DGKB: variants seen among roughly 807,000 people sequenced by gnomAD.
The protein encoded by DGKB is diacylglycerol kinase beta.
In DGKB, 67 loss-of-function variants were observed where a neutral mutation model predicts 114.3. The observed-to-expected ratio is 0.59, with a 90% CI of 0.48 to 0.72. The LOEUF (loss-of-function observed/expected upper bound fraction) is 0.72, where lower values mean the gene tolerates loss of function less well. DGKB is among the 30% of genes least tolerant of loss of function. The pLI is 0.00. For missense variants in DGKB, 907 were observed against 975.2 expected (o/e 0.93, Z 0.93); for synonymous variants, 398 against 323.1 (o/e 1.23, Z -2.49).
chr7:14,941,026 G>A lies in DGKB; in HGVS notation c.-188+33670C>T, dbSNP rs11978333. Among the ~76,000 whole-genome samples, 446 of 152,136 alleles carry A rather than the reference G, an allele frequency of 2.9e-3. 4 individuals carry two copies. Among genetic ancestry groups the A allele is most frequent in the African/African-American group, 0.01 (418 of 41,534 alleles). Reference sequence around the variant, plus strand: ...TATTATTGAATTGTCAAAGTGTACAGATCATACTTCTTGTTATGGTAAGGA... The same window carrying A: ...TATTATTGAATTGTCAAAGTGTACAAATCATACTTCTTGTTATGGTAAGGA... On this transcript the variant is annotated intron_variant, in intron 1 of 4. Transcript: ENST00000437998.
chr7:14,729,660 T>C (rs1044940778), intron 5 of DGKB, among the ~76,000 whole-genome samples: 7 of 152,198 alleles, frequency 4.6e-5, no homozygotes, highest in Admixed American at 4.6e-4. Flanking sequence ...ACTGGATGAC[T>C]CCTGCAACGG....
At chr7:14,889,113 C>T (rs890957419) in intron 1 of DGKB, among the ~76,000 whole-genome samples, 2 of 151,624 alleles carry the variant, frequency 1.3e-5, no homozygotes, top group African/African-American at 4.8e-5. Flanking sequence ...AGAATGAGGA[C>T]CATGACTCAG....
intron 21 of DGKB, among the ~76,000 whole-genome samples, chr7:14,464,183 G>T (rs575568792): frequency 6.6e-6 from 1 of 152,070 alleles, no homozygotes; most frequent in East Asian, 1.9e-4. Context: ...TAGAAAACAG[G>T]CTAAAGCATC....
At chr7:14,607,135 A>T (rs1328929957) in intron 17 of DGKB, among the ~76,000 whole-genome samples, 4 of 149,404 alleles carry the variant, frequency 2.7e-5, no homozygotes, top group Non-Finnish European at 5.9e-5. Context: ...GCAGTGTTCA[A>T]ACTGGCATTC....
chr7:14,208,080 CTTAAG>C (rs1196104419), intron 23 of DGKB, among the ~76,000 whole-genome samples: 2 of 151,908 alleles, frequency 1.3e-5, no homozygotes. Context: ...ATTGTTGCTC[CTTAAG>C]TTATTAATTG....
chr7:14,645,826 G>A (rs1212880209), intron 13 of DGKB, among the ~76,000 whole-genome samples: 1 of 152,056 alleles, frequency 6.6e-6, no homozygotes, highest in African/African-American at 2.4e-5. Context: ...GGATATACAA[G>A]AAATAAGGGA....
intron 23 of DGKB, among the ~76,000 whole-genome samples, chr7:14,267,463 T>G (rs1446757934): frequency 2.7e-5 from 4 of 146,082 alleles, no homozygotes; most frequent in Non-Finnish European, 6.1e-5. Context: ...TTGTAATAAG[T>G]GCTTATTTTT....
intron 23 of DGKB, among the ~76,000 whole-genome samples, chr7:14,333,773 A>G (rs1198637974): frequency 2.0e-5 from 3 of 152,190 alleles, no homozygotes; most frequent in African/African-American, 7.2e-5. Flanking sequence ...GTTAAAAAAT[A>G]CCTTTCAAAA....
Position 14,784,273 on chromosome 7 carries a change from C to T in DGKB, c.71-26542G>A, listed in dbSNP as rs988855697. Among the ~76,000 whole-genome samples the T allele has an allele frequency of 4.0e-5, 6 of 151,396 alleles. No homozygotes were observed. In the East Asian group the frequency reaches 7.8e-4, roughly 20 times the overall value. ...TCTTTGGTTATACTAGAGAGAACAA[C>T]ATACATTCTTATGTTATTAAAGTCT... On this transcript the variant is annotated intron_variant, in intron 2 of 25. Transcript: ENST00000402815.
chr7:14,907,084 C>T (rs2158483), upstream of DGKB, among the ~76,000 whole-genome samples: 7,534 of 152,220 alleles, frequency 0.049, 595 homozygotes, highest in African/African-American at 0.17. Context: ...AGCTTTTCCA[C>T]TGGTTTTAAA....
intron 21 of DGKB, among the ~76,000 whole-genome samples, chr7:14,400,444 T>C (rs1822925960): frequency 6.6e-6 from 1 of 151,788 alleles, no homozygotes; most frequent in Non-Finnish European, 1.5e-5. Flanking sequence ...AGCACCATAT[T>C]CTCCAGAGAT....
Position 14,269,423 on chromosome 7 carries a change from G to T in DGKB, c.2122+69092C>A, listed in dbSNP as rs189141089. On this transcript the variant is annotated intron_variant, in intron 23 of 25. Coordinates refer to ENST00000402815, the MANE Select transcript of DGKB (RefSeq NM_001350709.2). ...ACAAGTAGGTTTAAAGACTTGCCAAGAATCAACTTAAATGGTCTGTTTGGT... is the reference window on the plus strand; with the variant it reads ...ACAAGTAGGTTTAAAGACTTGCCAATAATCAACTTAAATGGTCTGTTTGGT... Among the ~76,000 whole-genome samples the T allele has an allele frequency of 3.5e-3, 535 of 152,288 alleles. 4 individuals carry two copies. Among genetic ancestry groups the T allele is most frequent in the African/African-American group, 0.012 (513 of 41,556 alleles).
At chr7:14,371,849 T>G (rs1177099027) in intron 21 of DGKB, among the ~76,000 whole-genome samples, 3 of 152,182 alleles carry the variant, frequency 2.0e-5, no homozygotes, top group Non-Finnish European at 4.4e-5. Context: ...CAGCACCTAC[T>G]GCTGAGGTAT....
At chr7:14,639,653 T>C (rs1399916781) in intron 13 of DGKB, among the ~76,000 whole-genome samples, 3 of 152,240 alleles carry the variant, frequency 2.0e-5, no homozygotes, top group African/African-American at 7.2e-5. Flanking sequence ...TGCAAAGCCC[T>C]AAAGGTACGG....
At chr7:14,151,908 C>G (rs1197747204) in intron 25 of DGKB, among the ~76,000 whole-genome samples, 1 of 151,942 alleles carries the variant, frequency 6.6e-6, no homozygotes, top group African/African-American at 2.4e-5. Flanking sequence ...GAAGCAAAAT[C>G]CTACGAGAGT....
chr7:14,344,497 T>A (rs139260889), intron 22 of DGKB, among the ~76,000 whole-genome samples: 20 of 151,730 alleles, frequency 1.3e-4, no homozygotes, highest in Non-Finnish European at 2.8e-4. Context: ...TTTGCATTTA[T>A]TTTTAAAATG....
At chr7:14,742,766 T>C (rs1832753457) in intron 4 of DGKB, among the ~76,000 whole-genome samples, 1 of 152,202 alleles carries the variant, frequency 6.6e-6, no homozygotes, top group Admixed American at 6.5e-5. Flanking sequence ...TAACATGTAA[T>C]TGAGACCACC....
chr7:14,428,901 A>C (rs2128782784), intron 21 of DGKB, among the ~76,000 whole-genome samples: 1 of 152,228 alleles, frequency 6.6e-6, no homozygotes, highest in East Asian at 1.9e-4. Context: ...TATTTTACTA[A>C]GGACTCTTTG....
At chr7:14,556,204 G>T (rs1044667118) in intron 20 of DGKB, among the ~76,000 whole-genome samples, 5 of 151,992 alleles carry the variant, frequency 3.3e-5, no homozygotes, top group African/African-American at 7.2e-5. Flanking sequence ...ATGCTGAGTG[G>T]TTTTTTAACT....
Sources: gnomAD v4.1 joint callset for allele counts (sites outside exome capture counted in the v4.1 genomes callset) on GRCh38, gnomAD v4.1.1 for gene constraint, MANE v1.5 for transcripts, NCBI Gene and HGNC (gene_info 2026-07-23, HGNC 2026-07-21) for gene names.